The following RHBDD1 variants were observed in gnomAD, a reference collection of about 807,000 sequenced individuals.
The protein encoded by RHBDD1 is rhomboid-related protein 4.
A neutral mutation model predicts 36.3 loss-of-function variants in RHBDD1; 38 were observed. The observed-to-expected ratio is 1.05, with a 90% CI of 0.81 to 1.37. The LOEUF (loss-of-function observed/expected upper bound fraction) is 1.37, where lower values mean the gene tolerates loss of function less well. Among genes scored for constraint, RHBDD1 ranks in the 40% most tolerant of loss-of-function variants. RHBDD1 has a pLI of 0.00. For synonymous variants in RHBDD1, 151 were observed against 136.5 expected, an observed-to-expected ratio of 1.11 and a Z score of -0.74; for missense variants, 393 against 377.6, an observed-to-expected ratio of 1.04 and a Z score of -0.34.
chr2:226,946,231 T>C (rs1410159894), intron 8 of RHBDD1, among the ~76,000 whole-genome samples: 1 of 152,220 alleles, frequency 6.6e-6, no homozygotes, highest in Non-Finnish European at 1.5e-5. Context: ...CCCATGCCTA[T>C]GTTCTGAATG....
chr2:226,863,816 G>A (rs1415843868), intron 3 of RHBDD1, among the ~76,000 whole-genome samples: 32 of 152,172 alleles, frequency 2.1e-4, no homozygotes, highest in Non-Finnish European at 2.9e-5. Context: ...GGTCCAGCGG[G>A]GTGGAGAAGC....
At chr2:226,902,543 T>A (rs1456884684) in intron 5 of RHBDD1, among the ~76,000 whole-genome samples, 1 of 152,238 alleles carries the variant, frequency 6.6e-6, no homozygotes, top group African/African-American at 2.4e-5. Flanking sequence ...ATGGAGAAAG[T>A]TAATTTACCT....
the RHBDD1 span, among the ~76,000 whole-genome samples, chr2:226,818,152 ATTTTTTTTTTTT>A: frequency 1.5e-4 from 13 of 86,244 alleles, no homozygotes; most frequent in Non-Finnish European, 1.1e-4. Context: ...TCCAAACAGT[ATTTTTTTTTTTT>A]TTTTTTTTTT....
intron 5 of RHBDD1, among the ~76,000 whole-genome samples, chr2:226,877,462 A>G (rs980372079): frequency 2.0e-5 from 3 of 151,930 alleles, no homozygotes; most frequent in Non-Finnish European, 4.4e-5. Context: ...TTTCACTCCA[A>G]TGCTCAGATC....
At chr2:226,881,023 C>T (rs1023801853) in intron 5 of RHBDD1, among the ~76,000 whole-genome samples, 1 of 152,160 alleles carries the variant, frequency 6.6e-6, no homozygotes, top group Non-Finnish European at 1.5e-5. Flanking sequence ...GATCGGCTCA[C>T]CATTCCACAT....
chr2:226,946,297 C>A (rs1950990029), intron 8 of RHBDD1, among the ~76,000 whole-genome samples: 1 of 152,052 alleles, frequency 6.6e-6, no homozygotes, highest in Non-Finnish European at 1.5e-5. Flanking sequence ...ATGTTTAAGT[C>A]TTTAATCCAT....
At chr2:226,988,465 C>T (rs1308309509) in intron 8 of RHBDD1, 7 of 1,547,876 alleles carry the variant, frequency 4.5e-6, no homozygotes, top group Non-Finnish European at 6.1e-6. Context: ...TTTGAGGCTG[C>T]AGGGTCCCTG....
chr2:226,829,389 A>G, the RHBDD1 span, among the ~76,000 whole-genome samples: 1 of 152,232 alleles, frequency 6.6e-6, no homozygotes, highest in East Asian at 1.9e-4. Context: ...CAGCTTGTGA[A>G]GTGTGTACCC....
intron 8 of RHBDD1, among the ~76,000 whole-genome samples, chr2:226,966,676 G>T (rs1277396706): frequency 6.6e-6 from 1 of 152,142 alleles, no homozygotes. Flanking sequence ...TTGTATCAGT[G>T]CAGATCTAGA....
chr2:226,934,437 T>C, intron 8 of RHBDD1, among the ~76,000 whole-genome samples: 1 of 152,124 alleles, frequency 6.6e-6, no homozygotes, highest in East Asian at 1.9e-4. Flanking sequence ...CTCAAACTTT[T>C]CTTTAGTTAA....
chr2:226,868,150 G>A (rs1215693406), intron 5 of RHBDD1, among the ~76,000 whole-genome samples: 2 of 152,154 alleles, frequency 1.3e-5, no homozygotes, highest in African/African-American at 4.8e-5. Context: ...AGTGGAATGG[G>A]GCCCCTTTCA....
At chr2:226,907,769 C>T (rs1948173239) in intron 6 of RHBDD1, among the ~76,000 whole-genome samples, 1 of 152,174 alleles carries the variant, frequency 6.6e-6, no homozygotes. Context: ...TGCATTTAAG[C>T]AGATCCTCAT....
At chr2:226,838,751 A>G (rs569050599) in intron 2 of RHBDD1, among the ~76,000 whole-genome samples, 11 of 152,240 alleles carry the variant, frequency 7.2e-5, no homozygotes, top group Non-Finnish European at 1.3e-4. Flanking sequence ...AATGGAGTCA[A>G]AGCTTTCATA....
At chr2:226,852,298 G>A (rs933500887) in intron 3 of RHBDD1, among the ~76,000 whole-genome samples, 2 of 151,958 alleles carry the variant, frequency 1.3e-5, no homozygotes, top group Non-Finnish European at 2.9e-5. Context: ...CCTTTGTTTC[G>A]CCGCAGTAAT....
chr2:226,848,421 A>G (rs1394013106), intron 3 of RHBDD1, among the ~76,000 whole-genome samples: 1 of 152,212 alleles, frequency 6.6e-6, no homozygotes, highest in South Asian at 2.1e-4. Context: ...TGATAGTCAA[A>G]GTGTCATATC....
chr2:226,873,470 A>C (rs1470118766), intron 5 of RHBDD1, among the ~76,000 whole-genome samples: 1 of 152,176 alleles, frequency 6.6e-6, no homozygotes, highest in Non-Finnish European at 1.5e-5. Flanking sequence ...CCATGTGAAC[A>C]TGTTGCTGGG....
chr2:226,826,289 T>C, the RHBDD1 span, among the ~76,000 whole-genome samples: 9 of 152,212 alleles, frequency 5.9e-5, no homozygotes, highest in Non-Finnish European at 1.2e-4. Flanking sequence ...ATTAAAACAC[T>C]TGCAGTGTAA....
At chr2:226,898,868 A>G (rs891005860) in intron 5 of RHBDD1, among the ~76,000 whole-genome samples, 2 of 152,242 alleles carry the variant, frequency 1.3e-5, no homozygotes, top group African/African-American at 4.8e-5. Flanking sequence ...GGCCACTTCT[A>G]GCTGACTGCC....
At chr2:226,896,086 CTG>C (rs1947075512) in intron 5 of RHBDD1, among the ~76,000 whole-genome samples, 1 of 152,116 alleles carries the variant, frequency 6.6e-6, no homozygotes, top group Admixed American at 6.5e-5. Context: ...AACATTATAA[CTG>C]TATACAATTA....
Sources: allele counts gnomAD v4.1 joint callset (sites outside exome capture counted in the v4.1 genomes callset), GRCh38; gene constraint gnomAD v4.1.1; transcripts MANE v1.5; gene names NCBI Gene and HGNC (gene_info 2026-07-23, HGNC 2026-07-21).